CHIC1: variants seen among roughly 807,000 people sequenced by gnomAD.
CHIC1 encodes cysteine rich hydrophobic domain 1.
A neutral mutation model predicts 18.5 loss-of-function variants in CHIC1; 7 were observed. That is an observed-to-expected ratio of 0.38 (90% CI 0.22 to 0.71). The LOEUF (loss-of-function observed/expected upper bound fraction) is 0.71, where lower values mean the gene tolerates loss of function less well. Ranked by LOEUF, CHIC1 falls within the 30% of genes least tolerant of loss-of-function variation. The probability of loss-of-function intolerance (pLI) is 0.49; values close to 1 mark genes in which losing one functional copy is unlikely to be tolerated. For synonymous variants in CHIC1, 77 were observed against 73.5 expected (o/e 1.05, Z -0.25); for missense variants, 159 against 176.9 (o/e 0.90, Z 0.57).
chrX:73,595,994 T>C (rs192525944), intron 3 of CHIC1, among the ~76,000 whole-genome samples: 3 of 111,938 alleles, frequency 2.7e-5, no homozygotes, highest in African/African-American at 9.7e-5. Context: ...TGTCTGTTCA[T>C]ATTCTTTGCC....
chrX:73,682,569 A>C lies in CHIC1; in HGVS notation c.*1564A>C, dbSNP rs2058103443. The C allele has an allele frequency of 8.9e-6, 1 of 111,918 alleles. No homozygotes were observed. Among genetic ancestry groups the C allele is most frequent in the Non-Finnish European group, 1.9e-5 (1 of 52,804 alleles). 9.2% of individuals were successfully genotyped at this position (111,918 alleles called of 1,213,427 possible). A position where few individuals can be genotyped will look rare whatever the true frequency, so the allele number is the denominator to read the frequency against. ...CCTTTTTAAGCCACTCTTAAAATTT[A>C]TGCCTAATTTGAAATCCACAGTCCT... On this transcript the variant is annotated 3_prime_UTR_variant, in exon 6 of 6. Transcript: ENST00000373502.
intron 3 of CHIC1, among the ~76,000 whole-genome samples, chrX:73,665,544 G>A (rs748693206): frequency 6.8e-4 from 76 of 111,470 alleles, no homozygotes; most frequent in Middle Eastern, 4.6e-3. Context: ...TACTGTTGCT[G>A]TTGAGCTGAT....
At chrX:73,610,331 G>A (rs867148825) in intron 3 of CHIC1, among the ~76,000 whole-genome samples, 12 of 108,833 alleles carry the variant, frequency 1.1e-4, no homozygotes, top group South Asian at 3.8e-4. Flanking sequence ...GAGGTTCCCC[G>A]GCTCCATGCA....
At chrX:73,653,527 G>A (rs192057062) in intron 3 of CHIC1, among the ~76,000 whole-genome samples, 20 of 111,622 alleles carry the variant, frequency 1.8e-4, no homozygotes, top group African/African-American at 6.5e-4. Flanking sequence ...GTGCAAGATT[G>A]CTTTGCTTAT....
intron 3 of CHIC1, among the ~76,000 whole-genome samples, chrX:73,639,823 C>T (rs1214718823): frequency 2.7e-5 from 3 of 111,242 alleles, no homozygotes; most frequent in South Asian, 3.8e-4. Context: ...TGATTTGGCT[C>T]TCAGCTTGAA....
chrX:73,673,464 T>A (rs748128273), intron 3 of CHIC1, among the ~76,000 whole-genome samples: 144 of 111,753 alleles, frequency 1.3e-3, no homozygotes, highest in Non-Finnish European at 2.1e-3. Context: ...GGTCCTTCAC[T>A]TCCCTTGTAA....
In CHIC1 at chrX:73,680,658, A is replaced by G. The variant is rs183394860; in HGVS notation, c.625-297A>G. Among the ~76,000 whole-genome samples, 333 of 111,322 alleles carry G rather than the reference A, an allele frequency of 3.0e-3. 1 individual carries two copies. The highest frequency in any genetic ancestry group is 8.0e-3 in the African/African-American group (247 of 30,811). Reference sequence around the variant, plus strand: ...TAGGGGTGTGGGGGAAAAACATAATATAATTTAATGGAGTTTGCTCCTGTT... The same window carrying G: ...TAGGGGTGTGGGGGAAAAACATAATGTAATTTAATGGAGTTTGCTCCTGTT... On this transcript the variant is annotated intron_variant, in intron 5 of 5. Transcript: ENST00000373502.
chrX:73,647,954 G>A (rs2057896882), intron 3 of CHIC1, among the ~76,000 whole-genome samples: 1 of 111,613 alleles, frequency 9.0e-6, no homozygotes, highest in Non-Finnish European at 1.9e-5. Context: ...CTATACAGGA[G>A]CAATTCTACT....
chrX:73,575,602 G>A (rs1209116325), intron 1 of CHIC1, among the ~76,000 whole-genome samples: 1 of 109,848 alleles, frequency 9.1e-6, no homozygotes, highest in African/African-American at 3.3e-5. Flanking sequence ...CATAGAAAAA[G>A]TACAGAGAAA....
chrX:73,680,487 G>A (rs2058093391), intron 5 of CHIC1, among the ~76,000 whole-genome samples: 1 of 110,897 alleles, frequency 9.0e-6, no homozygotes. Context: ...CAATCCATTT[G>A]GGCACATTAA....
intron 2 of CHIC1, among the ~76,000 whole-genome samples, chrX:73,577,749 G>T (rs2057507113): frequency 9.1e-6 from 1 of 109,337 alleles, no homozygotes; most frequent in Admixed American, 9.8e-5. Context: ...GTTTTTATTT[G>T]GGTCATTAAT....
At chrX:73,675,553 A>C (rs1351947986) in intron 3 of CHIC1, among the ~76,000 whole-genome samples, 21 of 110,696 alleles carry the variant, frequency 1.9e-4, no homozygotes, top group Admixed American at 2.9e-4. Flanking sequence ...AGGATTGCAA[A>C]CCCTGCCTTT....
chrX:73,672,759 C>G (rs1160050472), intron 3 of CHIC1, among the ~76,000 whole-genome samples: 1 of 111,749 alleles, frequency 8.9e-6, no homozygotes, highest in Non-Finnish European at 1.9e-5. Flanking sequence ...TGCAGAAGCT[C>G]TTTAGTTTAA....
chrX:73,644,163 C>G (rs780736333), intron 3 of CHIC1, among the ~76,000 whole-genome samples: 85 of 112,272 alleles, frequency 7.6e-4, no homozygotes, highest in African/African-American at 2.7e-3. Flanking sequence ...GTATCAGCAG[C>G]GGTGGCTGCA....
chrX:73,574,721 A>T (rs908374380), intron 1 of CHIC1, among the ~76,000 whole-genome samples: 20 of 110,721 alleles, frequency 1.8e-4, no homozygotes, highest in African/African-American at 6.2e-4. Flanking sequence ...CTAGGTGTTC[A>T]TAATAGTTAT....
intron 3 of CHIC1, among the ~76,000 whole-genome samples, chrX:73,608,431 GAA>G (rs2057692804): frequency 9.3e-6 from 1 of 107,698 alleles, no homozygotes; most frequent in Non-Finnish European, 1.9e-5. Flanking sequence ...TTATTTCTAT[GAA>G]AAAGTCATTG....
intron 3 of CHIC1, among the ~76,000 whole-genome samples, chrX:73,601,460 A>G (rs1160187037): frequency 1.9e-5 from 2 of 106,493 alleles, no homozygotes; most frequent in African/African-American, 7.4e-5. Flanking sequence ...CCGAATGACT[A>G]CTGGGTACAT....
intron 3 of CHIC1, among the ~76,000 whole-genome samples, chrX:73,601,161 A>G (rs896161318): frequency 9.5e-6 from 1 of 105,714 alleles, no homozygotes; most frequent in African/African-American, 3.7e-5. Flanking sequence ...CGAAACAGAA[A>G]GTCAACAAGG....
intron 3 of CHIC1, among the ~76,000 whole-genome samples, chrX:73,612,952 C>T (rs181659575): frequency 1.8e-5 from 2 of 111,768 alleles, no homozygotes; most frequent in Admixed American, 9.5e-5. Flanking sequence ...TTATTTCTTC[C>T]TTTATAACTA....
Sources: allele counts gnomAD v4.1 joint callset (sites outside exome capture counted in the v4.1 genomes callset), GRCh38; gene constraint gnomAD v4.1.1; transcripts MANE v1.5; gene names NCBI Gene and HGNC (gene_info 2026-07-23, HGNC 2026-07-21).